The following LAMA2 variants were observed in gnomAD, a reference collection of about 807,000 sequenced individuals.
LAMA2 encodes the protein laminin subunit alpha-2.
Under a neutral mutation model 364.8 loss-of-function variants are expected in LAMA2, and 269 were observed. The ratio of observed to expected loss-of-function variants is 0.74; its 90% confidence interval spans 0.67 to 0.82. LAMA2 has a LOEUF of 0.82. Ranked by LOEUF, LAMA2 falls within the 40% of genes least tolerant of loss-of-function variation. LAMA2 has a pLI of 0.00. For missense variants in LAMA2, 3,807 were observed against 3,873.2 expected (o/e 0.98, Z 0.45); for synonymous variants, 1,379 against 1,370.6 (o/e 1.01, Z -0.14).
intron 17 of LAMA2, among the ~76,000 whole-genome samples, chr6:129,271,131 G>A (rs1787903343): frequency 4.6e-5 from 7 of 151,990 alleles, no homozygotes; most frequent in Admixed American, 4.6e-4. Flanking sequence ...GCTAATTTGG[G>A]TTCTACCCAT....
At chr6:129,136,120 C>T (rs1413188989) in intron 4 of LAMA2, among the ~76,000 whole-genome samples, 1 of 151,280 alleles carries the variant, frequency 6.6e-6, no homozygotes, top group African/African-American at 2.4e-5. Context: ...AATCACTGTT[C>T]CTTTTGTACG....
intron 45 of LAMA2, among the ~76,000 whole-genome samples, chr6:129,449,742 T>G (rs1782571017): frequency 6.6e-6 from 1 of 152,108 alleles, no homozygotes; most frequent in East Asian, 1.9e-4. Context: ...GGCTTCTCTC[T>G]TAGACTTGGA....
intron 1 of LAMA2, among the ~76,000 whole-genome samples, chr6:128,957,868 T>G (rs2114585040): frequency 7.0e-6 from 1 of 142,510 alleles, no homozygotes; most frequent in East Asian, 2.1e-4. Flanking sequence ...TTGCCTATTG[T>G]ATTTAGAGTT....
chr6:129,478,354 T>TA (rs1301053981), intron 53 of LAMA2, among the ~76,000 whole-genome samples: 1 of 152,212 alleles, frequency 6.6e-6, no homozygotes, highest in African/African-American at 2.4e-5. Context: ...TGCAATTATC[T>TA]TCTCTTTGGT....
intron 1 of LAMA2, among the ~76,000 whole-genome samples, chr6:128,982,482 T>C (rs768568601): frequency 9.9e-5 from 15 of 152,264 alleles, no homozygotes; most frequent in African/African-American, 2.6e-4. Flanking sequence ...TGAGTGAATA[T>C]GCCAATAGGT....
intron 15 of LAMA2, among the ~76,000 whole-genome samples, chr6:129,264,787 G>A (rs1214897031): frequency 6.6e-6 from 1 of 152,154 alleles, no homozygotes; most frequent in Non-Finnish European, 1.5e-5. Flanking sequence ...TGCAATTGCA[G>A]AATTGTCCAT....
chr6:129,327,334 TA>T (rs1775360817), intron 28 of LAMA2, among the ~76,000 whole-genome samples: 1 of 152,164 alleles, frequency 6.6e-6, no homozygotes, highest in Non-Finnish European at 1.5e-5. Flanking sequence ...AGAAAGTTCT[TA>T]ATCTGATATT....
intron 37 of LAMA2, among the ~76,000 whole-genome samples, chr6:129,396,681 A>G (rs1048037849): frequency 5.3e-4 from 81 of 152,326 alleles, no homozygotes; most frequent in African/African-American, 1.8e-3. Flanking sequence ...AATAATATGT[A>G]TTGAGCAGTC....
intron 29 of LAMA2, among the ~76,000 whole-genome samples, chr6:129,340,292 A>G (rs1583531445): frequency 6.6e-6 from 1 of 152,248 alleles, no homozygotes; most frequent in East Asian, 1.9e-4. Flanking sequence ...TTGAGACCTC[A>G]CAGATTTTTT....
At chr6:129,434,378 A>T (rs1781740007) in intron 41 of LAMA2, among the ~76,000 whole-genome samples, 1 of 152,054 alleles carries the variant, frequency 6.6e-6, no homozygotes, top group Non-Finnish European at 1.5e-5. Flanking sequence ...CTCTATGAGG[A>T]GGAGATGAGA....
intron 12 of LAMA2, among the ~76,000 whole-genome samples, chr6:129,229,665 C>T (rs1784553031): frequency 6.6e-6 from 1 of 151,948 alleles, no homozygotes; most frequent in Admixed American, 6.6e-5. Flanking sequence ...AGTCTTGGAC[C>T]ACAGTGATAA....
chr6:129,083,076 TCACACA>T (rs10553801), intron 3 of LAMA2, among the ~76,000 whole-genome samples: 14,565 of 149,662 alleles, frequency 0.097, 876 homozygotes, highest in Middle Eastern at 0.2. Flanking sequence ...TCTCCTCTGC[TCACACA>T]CACACACACA....
intron 1 of LAMA2, among the ~76,000 whole-genome samples, chr6:128,908,941 C>A (rs1250597833): frequency 6.8e-6 from 1 of 147,090 alleles, no homozygotes; most frequent in Non-Finnish European, 1.5e-5. Flanking sequence ...TGTAGTTGAG[C>A]AGTTTTGAGT....
At chr6:129,104,431 T>C (rs1470107063) in intron 4 of LAMA2, among the ~76,000 whole-genome samples, 2 of 152,228 alleles carry the variant, frequency 1.3e-5, no homozygotes, top group Non-Finnish European at 2.9e-5. Context: ...GAAATAGTTT[T>C]CTTGTGACTA....
chr6:128,943,007 C>T (rs142046132), intron 1 of LAMA2, among the ~76,000 whole-genome samples: 58 of 152,280 alleles, frequency 3.8e-4, no homozygotes, highest in African/African-American at 1.3e-3. Flanking sequence ...GTTCTATGTG[C>T]TCTCAAATCA....
At position 129,190,355 on chromosome 6, in the gene LAMA2, C is replaced by T; in HGVS notation, c.1608+10C>T. On this transcript the variant is annotated intron_variant, in intron 11 of 64. Coordinates refer to ENST00000421865, the MANE Select transcript of LAMA2 (RefSeq NM_000426.4). ...CTGGACCTATGGCAAAGTAAGCAAG[C>T]ACCATTTGGTTCTGTTTGCTGCCCC... is the stretch of plus-strand genomic sequence containing the variant. 1 of 1,612,682 alleles carries T rather than the reference C, an allele frequency of 6.2e-7. No homozygotes were observed. The highest frequency in any genetic ancestry group is 8.5e-7 in the Non-Finnish European group (1 of 1,178,936).
chr6:128,935,017 T>C (rs975070556), intron 1 of LAMA2, among the ~76,000 whole-genome samples: 1 of 152,192 alleles, frequency 6.6e-6, no homozygotes, highest in African/African-American at 2.4e-5. Flanking sequence ...ACCTCCTTGG[T>C]TAAATTTATT....
intron 37 of LAMA2, among the ~76,000 whole-genome samples, chr6:129,400,815 T>C (rs1005406166): frequency 6.6e-6 from 1 of 152,252 alleles, no homozygotes; most frequent in Non-Finnish European, 1.5e-5. Context: ...AGAACTCCCA[T>C]TGAATACATC....
chr6:129,282,774 A>G (rs1206507235), intron 18 of LAMA2, among the ~76,000 whole-genome samples: 7 of 152,102 alleles, frequency 4.6e-5, no homozygotes, highest in Non-Finnish European at 8.8e-5. Context: ...CATCTCTACC[A>G]TCATCATTTT....
Sources: gnomAD v4.1 joint callset for allele counts (sites outside exome capture counted in the v4.1 genomes callset) on GRCh38, gnomAD v4.1.1 for gene constraint, MANE v1.5 for transcripts, NCBI Gene and HGNC (gene_info 2026-07-23, HGNC 2026-07-21) for gene names.